UQCC6: variants seen among roughly 807,000 people sequenced by gnomAD.
The protein encoded by UQCC6 is protein BRAWNIN.
chr12:103,951,442 G>C, the UQCC6 span: 9 of 769,416 alleles, frequency 1.2e-5, no homozygotes, highest in Non-Finnish European at 1.9e-5. Flanking sequence ...TAGACTAAGT[G>C]CTTAAGGACA....
At chr12:103,964,819 G>A in the UQCC6 span, among the ~76,000 whole-genome samples, 1 of 152,166 alleles carries the variant, frequency 6.6e-6, no homozygotes, top group East Asian at 1.9e-4. Context: ...TCTACTAATG[G>A]ACAGGGTATT....
chr12:103,951,317 G>A, the UQCC6 span: 4 of 427,108 alleles, frequency 9.4e-6, no homozygotes, highest in Middle Eastern at 6.1e-4. Flanking sequence ...CCATATTCAT[G>A]AAATGGTTTG....
chr12:103,959,734 C>T, the UQCC6 span, among the ~76,000 whole-genome samples: 3 of 150,480 alleles, frequency 2.0e-5, no homozygotes, highest in South Asian at 2.1e-4. Context: ...TAATAATTAA[C>T]TTTTTTAAAA....
the UQCC6 span, chr12:103,965,366 G>A: frequency 0.9 from 136,922 of 152,276 alleles, 61,651 homozygotes; most frequent in East Asian, 1. Flanking sequence ...AAAGTAATGC[G>A]GAGAGTGGTT....
At chr12:103,951,482 C>A in the UQCC6 span, 1 of 1,115,796 alleles carries the variant, frequency 9.0e-7, no homozygotes, top group Non-Finnish European at 1.3e-6. Context: ...TTAAGAAATA[C>A]ATATTTAAGA....
At chr12:103,963,655 T>C in the UQCC6 span, among the ~76,000 whole-genome samples, 10 of 152,250 alleles carry the variant, frequency 6.6e-5, no homozygotes, top group Non-Finnish European at 1.2e-4. Flanking sequence ...CTTTTTATGA[T>C]AGAAATCTTG....
At chr12:103,956,696 C>G in the UQCC6 span, 1 of 1,551,682 alleles carries the variant, frequency 6.4e-7, no homozygotes, top group Non-Finnish European at 8.7e-7. Context: ...AGACTGGCTG[C>G]GAACATTTTC....
chr12:103,950,275 G>C, the UQCC6 span: 1 of 152,236 alleles, frequency 6.6e-6, no homozygotes, highest in Non-Finnish European at 1.5e-5. Flanking sequence ...CTGAGGTGCA[G>C]TTTAGCAGGG....
the UQCC6 span, chr12:103,956,451 T>C: frequency 1.8e-6 from 1 of 562,896 alleles, no homozygotes. Context: ...CATCCAAAGG[T>C]TTTGGGCCCA....
the UQCC6 span, chr12:103,957,118 C>T: frequency 8.3e-6 from 2 of 241,720 alleles, no homozygotes; most frequent in Admixed American, 1.0e-4. Context: ...CCTCTATACA[C>T]GCGCTCTACT....
chr12:103,955,744 A>G, the UQCC6 span: 1 of 455,954 alleles, frequency 2.2e-6, no homozygotes, highest in Non-Finnish European at 4.4e-6. Context: ...ACTGCTCCCA[A>G]CATTGTGCTC....
chr12:103,959,712 A>G, the UQCC6 span, among the ~76,000 whole-genome samples: 2 of 152,076 alleles, frequency 1.3e-5, no homozygotes, highest in Non-Finnish European at 2.9e-5. Flanking sequence ...AGTCCGTCTC[A>G]AAAAATAATA....
the UQCC6 span, chr12:103,954,920 C>T: frequency 1.4e-6 from 1 of 701,536 alleles, no homozygotes; most frequent in Non-Finnish European, 2.6e-6. Context: ...TCTCACTAAG[C>T]TATGTGACTT....
the UQCC6 span, chr12:103,954,827 A>T: frequency 4.6e-6 from 3 of 645,776 alleles, no homozygotes; most frequent in Non-Finnish European, 8.4e-6. Context: ...TGAATGTTTT[A>T]CAAGAGTATT....
the UQCC6 span, chr12:103,956,599 C>T: frequency 6.3e-6 from 9 of 1,430,040 alleles, no homozygotes; most frequent in Non-Finnish European, 7.7e-6. Flanking sequence ...ATATTTAGCT[C>T]AAAAATAAAA....
the UQCC6 span, among the ~76,000 whole-genome samples, chr12:103,963,408 A>G: frequency 6.6e-6 from 1 of 152,158 alleles, no homozygotes; most frequent in Admixed American, 6.5e-5. Flanking sequence ...CCTTATAATA[A>G]TTCTTAAGTC....
At chr12:103,950,463 T>G in the UQCC6 span, 1 of 152,230 alleles carries the variant, frequency 6.6e-6, no homozygotes, top group African/African-American at 2.4e-5. Flanking sequence ...GCCTTTCTAT[T>G]CTCACCTCCA....
chr12:103,955,034 G>T, the UQCC6 span: 1 of 687,660 alleles, frequency 1.5e-6, no homozygotes, highest in Non-Finnish European at 2.7e-6. Flanking sequence ...ATACAAATGG[G>T]CCAGGCACAG....
At chr12:103,952,782 T>C in the UQCC6 span, among the ~76,000 whole-genome samples, 1 of 152,222 alleles carries the variant, frequency 6.6e-6, no homozygotes, top group African/African-American at 2.4e-5. Flanking sequence ...TGAGCATCTT[T>C]CTGTGTGCTT....
Sources: gnomAD v4.1 joint callset for allele counts (sites outside exome capture counted in the v4.1 genomes callset) on GRCh38, gnomAD v4.1.1 for gene constraint, MANE v1.5 for transcripts, NCBI Gene and HGNC (gene_info 2026-07-23, HGNC 2026-07-21) for gene names.